LRRC43: variants seen among roughly 807,000 people sequenced by gnomAD.
LRRC43 encodes leucine rich repeat containing 43.
LRRC43 carries 62 observed loss-of-function variants against 64.3 expected under a neutral mutation model. That is an observed-to-expected ratio of 0.96 (90% CI 0.79 to 1.19). The LOEUF (loss-of-function observed/expected upper bound fraction) is 1.19, where lower values mean the gene tolerates loss of function less well. Among genes scored for constraint, LRRC43 ranks in the 50% most tolerant of loss-of-function variants. LRRC43 has a pLI of 0.00. For missense variants in LRRC43, 868 were observed against 845.0 expected, an observed-to-expected ratio of 1.03 and a Z score of -0.34; for synonymous variants, 422 against 382.3, an observed-to-expected ratio of 1.10 and a Z score of -1.21.
intron 7 of LRRC43, among the ~76,000 whole-genome samples, chr12:122,193,381 T>TA (rs34910328): frequency 0.051 from 2,385 of 47,150 alleles, 293 homozygotes; most frequent in African/African-American, 0.089. Flanking sequence ...CTCCGTCTCA[T>TA]AAAAAAAAAA....
At chr12:122,197,918 T>C (rs1384831750) in intron 7 of LRRC43, among the ~76,000 whole-genome samples, 3 of 152,182 alleles carry the variant, frequency 2.0e-5, no homozygotes, top group Non-Finnish European at 4.4e-5. Flanking sequence ...GGTTTTTTTT[T>C]CATGCCATTT....
chr12:122,190,408 A>C (rs780887755), intron 5 of LRRC43, 40 bp downstream of exon 5: 8 of 1,525,778 alleles, frequency 5.2e-6, no homozygotes, highest in African/African-American at 1.4e-5. Flanking sequence ...GGCATGTGAC[A>C]CCCCAGCCTG....
At chr12:122,174,243 G>A in intron 1 of LRRC43, 3 of 1,564,770 alleles carry the variant, frequency 1.9e-6, no homozygotes, top group East Asian at 4.5e-5. Context: ...GCTGCCTGGA[G>A]GTATATAAAG....
chr12:122,170,644 A>G (rs558553599), intron 1 of LRRC43, among the ~76,000 whole-genome samples: 19 of 151,900 alleles, frequency 1.3e-4, no homozygotes, highest in Non-Finnish European at 2.4e-4. Flanking sequence ...AAAAAAACAA[A>G]AAAGCCTGCT....
chr12:122,169,217 A>G (rs1442392946), intron 1 of LRRC43, among the ~76,000 whole-genome samples: 1 of 152,156 alleles, frequency 6.6e-6, no homozygotes, highest in African/African-American at 2.4e-5. Flanking sequence ...AGGGAGGAAT[A>G]TCGAAGATTT....
In LRRC43 at chr12:122,183,842, G is replaced by A. The variant is rs548024897; in HGVS notation, c.150+548G>A. 2.0e-5 allele frequency among the ~76,000 whole-genome samples: 3 copies of A among 152,214 alleles called. No individual in the cohort carries two copies. The East Asian group carries it at 5.8e-4, about 29-fold the overall frequency. On this transcript the variant is annotated intron_variant, in intron 1 of 11. Coordinates refer to ENST00000339777, the MANE Select transcript of LRRC43 (RefSeq NM_001098519.2). ...GGCTGGAGCATAGTGACGCGATGTC[G>A]ACTTACTGCAACCTCCGCCTCCCAA...
chr12:122,174,182 G>C (rs763357357), intron 1 of LRRC43: 1 of 1,614,028 alleles, frequency 6.2e-7, no homozygotes, highest in African/African-American at 1.3e-5. Context: ...TGGCGAGAGA[G>C]AGCAAGGCCA....
chr12:122,184,708 C>G lies in LRRC43; in HGVS notation c.340C>G (p.Arg114Gly). 1 of 1,613,832 alleles carries G rather than the reference C, an allele frequency of 6.2e-7. No homozygotes were observed. Residue 114 changes from arginine to glycine, a missense_variant, in exon 2 of 12, where the codon CGG (arginine) becomes GGG (glycine). Arg to Gly is a moderately radical substitution (Grantham distance 125). Coordinates refer to ENST00000339777, the MANE Select transcript of LRRC43 (RefSeq NM_001098519.2). This position sits in a 1 kb window ranked among gnomAD's most constrained non-coding sequence, Gnocchi z 4.0. The stretch of plus-strand genomic sequence containing the variant: ...CAGTTTCCTGAGAGAATTGGCCATC[C>G]GGAACCCGCTGACGATCACAGACAC... ...EDSFLRELAI[R>G]NPLTITDTFF...
At chr12:122,193,592 T>A (rs2136050934) in intron 7 of LRRC43, among the ~76,000 whole-genome samples, 1 of 152,160 alleles carries the variant, frequency 6.6e-6, no homozygotes, top group South Asian at 2.1e-4. Flanking sequence ...GCGGGGACAG[T>A]CTCACTCTGT....
At chr12:122,170,808 A>G (rs1953478570) in intron 1 of LRRC43, among the ~76,000 whole-genome samples, 2 of 151,900 alleles carry the variant, frequency 1.3e-5, no homozygotes, top group Admixed American at 1.3e-4. Flanking sequence ...AGATGAATAT[A>G]TAGGTGCTGG....
rs1233827097 is a variant in LRRC43 at position 122,183,136 on chromosome 12, G to T, written c.-9G>T. 2 of 1,536,246 alleles carry T rather than the reference G, an allele frequency of 1.3e-6. No individual in the cohort carries two copies. ...GTCCTAGCGGTTGCCGGGCAACGCG[G>T]CCCGGGCCATGGAGGCGTCGTACGA... On this transcript the variant is annotated 5_prime_UTR_variant, in exon 1 of 12. Transcript: ENST00000339777.
intron 1 of LRRC43, among the ~76,000 whole-genome samples, chr12:122,175,573 A>C (rs566872017): frequency 6.7e-6 from 1 of 149,960 alleles, no homozygotes; most frequent in African/African-American, 2.5e-5. Flanking sequence ...GCATCATCAC[A>C]ACTCACGGCA....
intron 7 of LRRC43, among the ~76,000 whole-genome samples, chr12:122,199,341 G>C: frequency 7.6e-6 from 1 of 131,036 alleles, no homozygotes; most frequent in Admixed American, 9.1e-5. Context: ...GGAGTGTACT[G>C]TCGCGATCTC....
At chr12:122,197,574 A>AT (rs1313533786) in intron 7 of LRRC43, among the ~76,000 whole-genome samples, 2 of 152,064 alleles carry the variant, frequency 1.3e-5, no homozygotes, top group African/African-American at 4.8e-5. Flanking sequence ...CAGTACTCAG[A>AT]TTTTTTATGC....
At position 122,184,521 on chromosome 12, in the gene LRRC43, T is replaced by A. The variant is rs570255416; in HGVS notation, c.153T>A (p.Asn51Lys). 29 of 1,613,120 alleles carry A rather than the reference T, an allele frequency of 1.8e-5. No homozygotes were observed. In the African/African-American group the frequency reaches 2.1e-4, roughly 12 times the overall value. The part of the protein sequence containing the change: ...REFPCGAGSW[N>K]KSRFLPQTWR... ...AAATCCCTCCTCTGCCACTGCAGAA[T>A]AAGTCGCGCTTTCTTCCTCAAACTT... Residue 51 changes from asparagine to lysine, a missense_variant and splice_region_variant, in exon 2 of 12, where the codon AAT becomes AAA. By Grantham distance (94) the Asn-to-Lys change is moderately conservative. Coordinates refer to ENST00000339777, the MANE Select transcript of LRRC43 (RefSeq NM_001098519.2). The surrounding 1 kb of genome is among the most constrained non-coding windows in gnomAD (Gnocchi z 4.0).
At chr12:122,196,431 G>A (rs1211818821) in intron 7 of LRRC43, among the ~76,000 whole-genome samples, 3 of 152,154 alleles carry the variant, frequency 2.0e-5, no homozygotes, top group Non-Finnish European at 4.4e-5. Flanking sequence ...CAGGTGTGAT[G>A]CCAGGTATCG....
rs1336647113 is a variant in LRRC43 at position 122,201,344 on chromosome 12, T to TG, written c.1843+17dup. 1 of 1,613,678 alleles carries TG rather than the reference T, an allele frequency of 6.2e-7. No individual in the cohort carries two copies. The highest frequency in any genetic ancestry group is 8.5e-7 in the Non-Finnish European group (1 of 1,179,646). On this transcript the variant is annotated intron_variant, in intron 11 of 11. Coordinates refer to ENST00000339777, the MANE Select transcript of LRRC43 (RefSeq NM_001098519.2). ...TGCCAAAAAAGGTGAGTGCCGATGG[T>TG]GGTGACCAAAGGCAGGGATTGTCAG...
chr12:122,202,656 TAGAA>T (rs940122219), intron 11 of LRRC43, among the ~76,000 whole-genome samples: 6 of 152,184 alleles, frequency 3.9e-5, no homozygotes, highest in Non-Finnish European at 7.3e-5. Context: ...CCCACATCAT[TAGAA>T]AGGTCTTTGC....
chr12:122,198,595 C>T (rs57141433), intron 7 of LRRC43, among the ~76,000 whole-genome samples: 8,666 of 144,974 alleles, frequency 0.06, 809 homozygotes, highest in African/African-American at 0.2. Context: ...CATCTGTGGT[C>T]GGTGTAATAA....
Sources: allele counts gnomAD v4.1 joint callset (sites outside exome capture counted in the v4.1 genomes callset), GRCh38; gene constraint gnomAD v4.1.1; non-coding constraint Gnocchi (gnomAD v3.1); transcripts MANE v1.5; gene names NCBI Gene and HGNC (gene_info 2026-07-23, HGNC 2026-07-21).